The following PRKAG2 variants were observed in gnomAD, a reference collection of about 807,000 sequenced individuals.
The protein encoded by PRKAG2 is 5'-AMP-activated protein kinase subunit gamma-2.
A neutral mutation model predicts 69.6 loss-of-function variants in PRKAG2; 26 were observed. The ratio of observed to expected loss-of-function variants is 0.37; its 90% CI spans 0.27 to 0.52. The LOEUF is 0.52. PRKAG2 is among the 20% of genes least tolerant of loss of function. The pLI, the probability that PRKAG2 is intolerant of heterozygous loss-of-function variation, is 0.90. For synonymous variants in PRKAG2, 293 were observed against 285.0 expected (o/e 1.03, Z -0.28); for missense variants, 557 against 740.0 (o/e 0.75, Z 2.87).
chr7:151,770,056 C>A (rs1485393478), intron 3 of PRKAG2, among the ~76,000 whole-genome samples: 1 of 152,232 alleles, frequency 6.6e-6, no homozygotes, highest in Non-Finnish European at 1.5e-5. Flanking sequence ...CACCCCCTCC[C>A]TTGCTAACCA....
rs536280671 is a variant in PRKAG2 at position 151,771,378 on chromosome 7, C to A, written c.466+9774G>T. On this transcript the variant is annotated intron_variant, in intron 3 of 15. Transcript: ENST00000287878. This position sits in a 1 kb window ranked among gnomAD's most constrained non-coding sequence, Gnocchi z 4.0. ...TCAGCACCATTAAATTGGAGTGAGG[C>A]TGGTGGTGGAATGGGAGGTGGGTGC... Among the ~76,000 whole-genome samples the A allele has an allele frequency of 2.0e-5, 3 of 152,300 alleles. No homozygotes were observed. Among genetic ancestry groups the A allele is most frequent in the Non-Finnish European group, 2.9e-5 (2 of 68,024 alleles).
chr7:151,757,978 G>C (rs756615211), intron 3 of PRKAG2, among the ~76,000 whole-genome samples: 1 of 152,204 alleles, frequency 6.6e-6, no homozygotes, highest in Non-Finnish European at 1.5e-5. Context: ...GAAGCCCTGC[G>C]GCTCCGCTTT....
intron 1 of PRKAG2, among the ~76,000 whole-genome samples, chr7:151,826,959 C>G (rs1372328002): frequency 3.9e-5 from 6 of 152,216 alleles, no homozygotes; most frequent in African/African-American, 1.4e-4. Flanking sequence ...AAAAAGGCCA[C>G]CTTTCTACAA....
chr7:151,869,503 G>A (rs1349712931), intron 1 of PRKAG2, among the ~76,000 whole-genome samples: 3 of 152,200 alleles, frequency 2.0e-5, no homozygotes, highest in Non-Finnish European at 4.4e-5. Flanking sequence ...AGAGGACGAG[G>A]CAGCTCCAAG....
chr7:151,746,405 T>C (rs1224005228), intron 3 of PRKAG2, among the ~76,000 whole-genome samples: 2 of 152,248 alleles, frequency 1.3e-5, no homozygotes, highest in African/African-American at 2.4e-5. Flanking sequence ...TCAGAGAACC[T>C]TAAAGCAACA....
rs550741871 is a variant in PRKAG2 at position 151,850,657 on chromosome 7, G to A, written c.114+25850C>T. 4.6e-5 allele frequency among the ~76,000 whole-genome samples: 7 copies of A among 152,284 alleles called. No homozygotes were observed. Among genetic ancestry groups the A allele is most frequent in the South Asian group, 4.1e-4 (2 of 4,826 alleles). ...CCGCCTGCCCCACCTCCATCGTCCT[G>A]TGTCCAGGAACATGGCCCTTGTGCC... On this transcript the variant is annotated intron_variant, in intron 1 of 15. Transcript: ENST00000287878. The surrounding 1 kb of genome is among the most constrained non-coding windows in gnomAD (Gnocchi z 4.1).
Position 151,835,765 on chromosome 7 carries a change from G to A in PRKAG2, c.114+40742C>T, listed in dbSNP as rs529853852. 1.3e-5 allele frequency among the ~76,000 whole-genome samples: 2 copies of A among 152,318 alleles called. No homozygotes were observed. Among genetic ancestry groups the A allele is most frequent in the East Asian group, 3.9e-4 (2 of 5,182 alleles). ...CCCTGGGCTTCCATTGGTCTGGATC[G>A]GACATCCCGGGGGCTCTCGTGGGCA... On this transcript the variant is annotated intron_variant, in intron 1 of 15. Coordinates refer to ENST00000287878, the MANE Select transcript of PRKAG2 (RefSeq NM_016203.4). This position sits in a 1 kb window ranked among gnomAD's most constrained non-coding sequence, Gnocchi z 4.1.
At chr7:151,714,387 G>A (rs1445094585) in intron 3 of PRKAG2, among the ~76,000 whole-genome samples, 1 of 148,754 alleles carries the variant, frequency 6.7e-6, no homozygotes, top group African/African-American at 2.5e-5. Context: ...TCCGCGCCCC[G>A]CCGTGCCTAG....
chr7:151,808,793 G>A (rs1195148730), intron 1 of PRKAG2, among the ~76,000 whole-genome samples: 2 of 152,102 alleles, frequency 1.3e-5, no homozygotes, highest in South Asian at 2.1e-4. Flanking sequence ...CCTGAGGGCC[G>A]GCCTCCAGGC....
intron 3 of PRKAG2, among the ~76,000 whole-genome samples, chr7:151,685,970 T>A (rs1458712009): frequency 2.0e-5 from 3 of 152,184 alleles, no homozygotes; most frequent in Non-Finnish European, 2.9e-5. Context: ...GGTTTATGTA[T>A]CTGCTAGTGC....
chr7:151,799,526 A>G (rs1563695442), intron 1 of PRKAG2, among the ~76,000 whole-genome samples: 2 of 151,970 alleles, frequency 1.3e-5, no homozygotes, highest in East Asian at 1.9e-4. Context: ...CCGTGCTCCA[A>G]CTCCCTTTCT....
chr7:151,673,390 G>A (rs1353925506), intron 4 of PRKAG2, among the ~76,000 whole-genome samples: 2 of 152,120 alleles, frequency 1.3e-5, no homozygotes, highest in Admixed American at 1.3e-4. Context: ...GTGCCTTGAA[G>A]CTGTCATTGC....
chr7:151,718,335 C>T (rs1414590249), intron 3 of PRKAG2, among the ~76,000 whole-genome samples: 1 of 152,036 alleles, frequency 6.6e-6, no homozygotes, highest in Non-Finnish European at 1.5e-5. Flanking sequence ...AGCTTACAGC[C>T]CCACCCTTAT....
chr7:151,582,758 T>G (rs1810791953), intron 6 of PRKAG2, among the ~76,000 whole-genome samples: 1 of 152,250 alleles, frequency 6.6e-6, no homozygotes, highest in African/African-American at 2.4e-5. Flanking sequence ...GTTTTTCTGA[T>G]GGCCTCAAGC....
rs73160003 is a variant in PRKAG2 at position 151,756,863 on chromosome 7, C to A, written c.466+24289G>T. Among the ~76,000 whole-genome samples the A allele has an allele frequency of 6.6e-6, 1 of 152,126 alleles. No individual in the cohort carries two copies. The highest frequency in any genetic ancestry group is 1.5e-5 in the Non-Finnish European group (1 of 68,026). ...TATTAAACTCCATCTGCTTTTAGTA[C>A]GGAGAGTAACCCTCTTCCAGGTAGG... On this transcript the variant is annotated intron_variant, in intron 3 of 15. Transcript: ENST00000287878. The surrounding 1 kb of genome is among the most constrained non-coding windows in gnomAD (Gnocchi z 4.9).
intron 3 of PRKAG2, among the ~76,000 whole-genome samples, chr7:151,732,713 A>G (rs1270159683): frequency 1.3e-5 from 2 of 151,956 alleles, no homozygotes; most frequent in African/African-American, 4.8e-5. Context: ...TTTCTTTGAG[A>G]CGGAGTCTCA....
In PRKAG2 at chr7:151,843,791, A is replaced by G. The variant is rs56828460; in HGVS notation, c.114+32716T>C. On this transcript the variant is annotated intron_variant, in intron 1 of 15. Transcript: ENST00000287878. ...ACTTGGACCCAATTCAAACATCTAG[A>G]CCAAAACCTACACTCTGTTTGGTTA... Among the ~76,000 whole-genome samples the G allele has an allele frequency of 8.6e-3, 1,317 of 152,334 alleles. 20 individuals are homozygous for G. Among genetic ancestry groups the G allele is most frequent in the African/African-American group, 0.03 (1,261 of 41,568 alleles).
At chr7:151,749,818 C>T (rs1349037167) in intron 3 of PRKAG2, among the ~76,000 whole-genome samples, 7 of 150,184 alleles carry the variant, frequency 4.7e-5, no homozygotes, top group East Asian at 2.0e-4. Context: ...AGAACTGGGT[C>T]GGGCATGGTG....
rs1811050027 is a variant in PRKAG2, at chr7:151,583,920, G to C, written c.865-7468C>G. On this transcript the variant is annotated intron_variant, in intron 6 of 15. Transcript: ENST00000287878. This position sits in a 1 kb window ranked among gnomAD's most constrained non-coding sequence, Gnocchi z 4.1. ...GCAGTCTATACCAAGGAGAACATCT[G>C]TGTTCCCCAGAATGGGAAGCTGGTT... 6.6e-6 allele frequency among the ~76,000 whole-genome samples: 1 copy of C among 152,224 alleles called. No individual in the cohort carries two copies. Among genetic ancestry groups the C allele is most frequent in the African/African-American group, 2.4e-5 (1 of 41,454 alleles).
Sources: gnomAD v4.1 joint callset for allele counts (sites outside exome capture counted in the v4.1 genomes callset) on GRCh38, gnomAD v4.1.1 for gene constraint, Gnocchi (gnomAD v3.1) non-coding constraint, MANE v1.5 for transcripts, NCBI Gene and HGNC (gene_info 2026-07-23, HGNC 2026-07-21) for gene names.